The following VTI1A variants were observed in gnomAD, a reference collection of about 807,000 sequenced individuals.
VTI1A encodes vesicle transport through interaction with t-SNAREs homolog 1A.
Under a neutral mutation model 34.9 loss-of-function variants are expected in VTI1A, and 22 were observed. The ratio of observed to expected loss-of-function variants is 0.63; its 90% CI spans 0.45 to 0.90. VTI1A has a LOEUF of 0.90. VTI1A is among the 40% of genes least tolerant of loss of function. VTI1A has a pLI of 0.00. For synonymous variants in VTI1A, 87 were observed against 97.3 expected, an observed-to-expected ratio of 0.89 and a Z score of 0.62; for missense variants, 268 against 275.6, an observed-to-expected ratio of 0.97 and a Z score of 0.20.
chr10:112,662,288 A>G (rs1349302715), intron 5 of VTI1A, among the ~76,000 whole-genome samples: 3 of 152,194 alleles, frequency 2.0e-5, no homozygotes, highest in Non-Finnish European at 4.4e-5. Context: ...TGGGAGTCTA[A>G]TAACATGTAT....
At chr10:112,614,915 T>G (rs1589976194) in intron 5 of VTI1A, among the ~76,000 whole-genome samples, 1 of 152,268 alleles carries the variant, frequency 6.6e-6, no homozygotes, top group Non-Finnish European at 1.5e-5. Flanking sequence ...TTTTTTTTTC[T>G]TTTTTCATAA....
intron 7 of VTI1A, among the ~76,000 whole-genome samples, chr10:112,793,767 G>A (rs962606788): frequency 1.3e-5 from 2 of 152,198 alleles, no homozygotes; most frequent in South Asian, 2.1e-4. Flanking sequence ...TAGGAGGCAC[G>A]GCTCTGCTTC....
chr10:112,485,736 C>G lies in VTI1A; in HGVS notation c.264+21079C>G, dbSNP rs527903455. Among the ~76,000 whole-genome samples the G allele has an allele frequency of 2.6e-5, 4 of 152,258 alleles. No homozygotes were observed. The South Asian group carries it at 8.3e-4, about 32-fold the overall frequency. ...ATGTCAACCTCACAATTTAACCTTT[C>G]TGTGTAGAGAAAAGATGTTAGTTTT... On this transcript the variant is annotated intron_variant, in intron 3 of 7. Coordinates refer to ENST00000393077, the MANE Select transcript of VTI1A (RefSeq NM_145206.4).
At chr10:112,759,396 C>T (rs964503676) in intron 7 of VTI1A, among the ~76,000 whole-genome samples, 50 of 152,254 alleles carry the variant, frequency 3.3e-4, no homozygotes, top group African/African-American at 1.2e-3. Flanking sequence ...GGATCACTTT[C>T]CTCCCACTGT....
intron 5 of VTI1A, among the ~76,000 whole-genome samples, chr10:112,629,182 C>T (rs1846037322): frequency 6.6e-6 from 1 of 152,250 alleles, no homozygotes; most frequent in South Asian, 2.1e-4. Flanking sequence ...CCAGCGCTGT[C>T]ATCATGGCTG....
intron 5 of VTI1A, among the ~76,000 whole-genome samples, chr10:112,601,531 C>G (rs1844877839): frequency 6.6e-6 from 1 of 151,704 alleles, no homozygotes; most frequent in African/African-American, 2.4e-5. Context: ...CTTGTCGACT[C>G]TCTTTATTTA....
chr10:112,613,632 C>CA (rs1845404039), intron 5 of VTI1A, among the ~76,000 whole-genome samples: 1 of 152,220 alleles, frequency 6.6e-6, no homozygotes, highest in African/African-American at 2.4e-5. Context: ...ATAAGTGTCA[C>CA]ATATCCTTAA....
intron 3 of VTI1A, 91 bp downstream of exon 3, chr10:112,464,748 G>C: frequency 9.0e-7 from 1 of 1,107,666 alleles, no homozygotes; most frequent in Non-Finnish European, 1.3e-6. Context: ...ACAGTCTTTT[G>C]GGCTCATGTA....
chr10:112,798,935 G>T (rs1852772013), intron 7 of VTI1A, among the ~76,000 whole-genome samples: 1 of 152,152 alleles, frequency 6.6e-6, no homozygotes, highest in African/African-American at 2.4e-5. Flanking sequence ...GCCACGTGCT[G>T]CAGACCATGC....
In VTI1A at chr10:112,786,010, CA is replaced by C. The variant is rs376764375; in HGVS notation, c.561-29271del. 1.6e-3 allele frequency among the ~76,000 whole-genome samples: 246 copies of C among 150,490 alleles called. 1 individual carries two copies. Among genetic ancestry groups the C allele is most frequent in the African/African-American group, 5.4e-3 (220 of 41,102 alleles). On this transcript the variant is annotated intron_variant, in intron 7 of 7. Coordinates refer to ENST00000393077, the MANE Select transcript of VTI1A (RefSeq NM_145206.4). ...TCCCATTTCATTTTCACCGCCCCCC[CA>C]AAAAAAAATGCTTGCTGACATTTTA...
chr10:112,505,868 G>A (rs180994204), intron 3 of VTI1A, among the ~76,000 whole-genome samples: 52 of 151,896 alleles, frequency 3.4e-4, no homozygotes, highest in African/African-American at 1.2e-3. Flanking sequence ...TTAATATTCT[G>A]TTCTATCTTA....
chr10:112,724,786 G>T (rs201876750), intron 7 of VTI1A, among the ~76,000 whole-genome samples: 6 of 117,288 alleles, frequency 5.1e-5, no homozygotes, highest in African/African-American at 1.2e-4. Context: ...CCCTTTTTTT[G>T]AAAAAAAAAA....
chr10:112,841,484 A>C, the VTI1A span, among the ~76,000 whole-genome samples: 1 of 152,192 alleles, frequency 6.6e-6, no homozygotes, highest in African/African-American at 2.4e-5. Flanking sequence ...ATTACCCTTG[A>C]TTGAGAGAAG....
chr10:112,593,946 G>C (rs919942280), intron 5 of VTI1A, among the ~76,000 whole-genome samples: 9 of 151,374 alleles, frequency 5.9e-5, no homozygotes, highest in Non-Finnish European at 1.2e-4. Context: ...GTCTCGCTCT[G>C]TCACCCAGGC....
chr10:112,744,373 G>A (rs1850808821), intron 7 of VTI1A, among the ~76,000 whole-genome samples: 2 of 151,922 alleles, frequency 1.3e-5, no homozygotes, highest in African/African-American at 2.4e-5. Flanking sequence ...ATCAGTGATT[G>A]GTTATGGTGT....
At chr10:112,733,232 T>A (rs1850332024) in intron 7 of VTI1A, among the ~76,000 whole-genome samples, 1 of 152,218 alleles carries the variant, frequency 6.6e-6, no homozygotes, top group African/African-American at 2.4e-5. Context: ...TTTGCTTTGC[T>A]TTTATCGTTT....
rs1285053588 is a variant in VTI1A, at chr10:112,818,015, A to G, written c.*2632A>G. Reference sequence around the variant, plus strand: ...AATTAAAGTCTCTTAAGTTGTAAAGAGTTTTAAATGATCCGTGTTGAAGGC... The same window carrying G: ...AATTAAAGTCTCTTAAGTTGTAAAGGGTTTTAAATGATCCGTGTTGAAGGC... On this transcript the variant is annotated 3_prime_UTR_variant, in exon 8 of 8. Transcript: ENST00000393077. 1 of 233,286 alleles carries G rather than the reference A, an allele frequency of 4.3e-6. No homozygotes were observed. Among genetic ancestry groups the G allele is most frequent in the Non-Finnish European group, 8.5e-6 (1 of 117,824 alleles). 14.5% of individuals were successfully genotyped at this position (233,286 alleles called of 1,614,324 possible).
At chr10:112,720,344 A>G (rs887589987) in intron 7 of VTI1A, among the ~76,000 whole-genome samples, 4 of 152,210 alleles carry the variant, frequency 2.6e-5, no homozygotes, top group African/African-American at 9.6e-5. Context: ...TAAGTGTTCC[A>G]ATTTCTTCAC....
At chr10:112,655,317 C>T (rs999494345) in intron 5 of VTI1A, among the ~76,000 whole-genome samples, 1 of 152,090 alleles carries the variant, frequency 6.6e-6, no homozygotes, top group Non-Finnish European at 1.5e-5. Context: ...AAAAAATTAA[C>T]CCAGAACAAA....
Sources: gnomAD v4.1 joint callset for allele counts (sites outside exome capture counted in the v4.1 genomes callset) on GRCh38, gnomAD v4.1.1 for gene constraint, MANE v1.5 for transcripts, NCBI Gene and HGNC (gene_info 2026-07-23, HGNC 2026-07-21) for gene names.